Variants in THSD7A observed in about 807,000 individuals in gnomAD.
THSD7A encodes thrombospondin type 1 domain containing 7A.
In THSD7A, 96 loss-of-function variants were observed where a neutral mutation model predicts 231.3. The ratio of observed to expected loss-of-function variants is 0.41; its 90% CI spans 0.35 to 0.49. The LOEUF is 0.49. THSD7A is among the 20% of genes least tolerant of loss of function. The pLI, the probability that THSD7A is intolerant of heterozygous loss-of-function variation, is 0.05. For synonymous variants in THSD7A, 940 were observed against 743.3 expected (o/e 1.26, Z -4.30); for missense variants, 2,290 against 2,070.2 (o/e 1.11, Z -2.06).
At chr7:11,594,718 A>G (rs958213063) in intron 2 of THSD7A, among the ~76,000 whole-genome samples, 1 of 152,222 alleles carries the variant, frequency 6.6e-6, no homozygotes, top group Non-Finnish European at 1.5e-5. Context: ...ATAAGCAGAT[A>G]CTGAGCCTCA....
At chr7:11,700,665 AT>A (rs986392977) in intron 1 of THSD7A, among the ~76,000 whole-genome samples, 12 of 151,194 alleles carry the variant, frequency 7.9e-5, no homozygotes, top group African/African-American at 2.9e-4. Flanking sequence ...ATCTCTCACA[AT>A]CATGTCTAAA....
rs1409288898 is a variant in THSD7A, at chr7:11,555,748, G to A, written c.1454-12631C>T. Reference sequence around the variant, plus strand: ...TCAGTTTTTGTTCATATATTTTGCAGTCTGTTGTTTGGCACAAACACATAG... The same window carrying A: ...TCAGTTTTTGTTCATATATTTTGCAATCTGTTGTTTGGCACAAACACATAG... On this transcript the variant is annotated intron_variant, in intron 4 of 27. Transcript: ENST00000423059. Among the ~76,000 whole-genome samples the A allele has an allele frequency of 2.0e-5, 3 of 150,342 alleles. No individual in the cohort carries two copies. In the East Asian group the frequency reaches 5.9e-4, roughly 29 times the overall value.
rs1321034653 is a variant in THSD7A, at chr7:11,831,039, G to A, written c.190+718C>T. On this transcript the variant is annotated intron_variant, in intron 1 of 27. Coordinates refer to ENST00000423059, the MANE Select transcript of THSD7A (RefSeq NM_015204.3). This position sits in a 1 kb window ranked among gnomAD's most constrained non-coding sequence, Gnocchi z 5.0. ...TCCGTATTGTTTTCCTGCCTGTCAC[G>A]GCCCCCGCCAGAAACTCCAAGCATT... Among the ~76,000 whole-genome samples the A allele has an allele frequency of 1.3e-5, 2 of 152,110 alleles. No individual in the cohort carries two copies. The highest frequency in any genetic ancestry group is 2.1e-4 in the South Asian group (1 of 4,822).
chr7:11,702,689 T>C (rs1322617826), intron 1 of THSD7A, among the ~76,000 whole-genome samples: 1 of 151,256 alleles, frequency 6.6e-6, no homozygotes, highest in East Asian at 2.0e-4. Context: ...GGAGTCATTT[T>C]AGAATTCTAC....
At chr7:11,746,506 C>T (rs1475208735) in intron 1 of THSD7A, among the ~76,000 whole-genome samples, 1 of 151,798 alleles carries the variant, frequency 6.6e-6, no homozygotes, top group African/African-American at 2.4e-5. Context: ...TTTTTCATGA[C>T]CTCGACATGT....
At chr7:11,382,077 C>A (rs745493896) in intron 24 of THSD7A, among the ~76,000 whole-genome samples, 2 of 152,080 alleles carry the variant, frequency 1.3e-5, no homozygotes, top group Non-Finnish European at 2.9e-5. Flanking sequence ...TCATAGACTT[C>A]TGAATTTAAG....
intron 4 of THSD7A, among the ~76,000 whole-genome samples, chr7:11,582,452 A>G (rs1791207114): frequency 6.6e-6 from 1 of 152,110 alleles, no homozygotes; most frequent in Non-Finnish European, 1.5e-5. Context: ...CATCAACTAA[A>G]TGCACATTAT....
chr7:11,725,085 G>C (rs888278010), intron 1 of THSD7A, among the ~76,000 whole-genome samples: 2 of 151,862 alleles, frequency 1.3e-5, no homozygotes, highest in East Asian at 3.9e-4. Context: ...CTCAAACACA[G>C]CTAAATAAGA....
At chr7:11,597,772 C>T (rs1203883110) in intron 2 of THSD7A, among the ~76,000 whole-genome samples, 1 of 152,162 alleles carries the variant, frequency 6.6e-6, no homozygotes, top group Non-Finnish European at 1.5e-5. Flanking sequence ...GGATCATGCA[C>T]AGCAGCATTC....
intron 1 of THSD7A, among the ~76,000 whole-genome samples, chr7:11,645,755 A>G (rs576749551): frequency 1.3e-5 from 2 of 151,950 alleles, no homozygotes; most frequent in African/African-American, 4.8e-5. Flanking sequence ...TTTCACCTAT[A>G]TGATCTCATT....
intron 4 of THSD7A, among the ~76,000 whole-genome samples, chr7:11,566,714 C>T (rs895433544): frequency 6.6e-6 from 1 of 152,050 alleles, no homozygotes; most frequent in Non-Finnish European, 1.5e-5. Flanking sequence ...TTCAGAAAGT[C>T]TATGTCCCCG....
intron 2 of THSD7A, among the ~76,000 whole-genome samples, chr7:11,620,661 A>G (rs1268128254): frequency 6.6e-6 from 1 of 152,226 alleles, no homozygotes. Flanking sequence ...GGAATCAGAA[A>G]GACACTTTCA....
chr7:11,387,324 T>G (rs2115317683), intron 23 of THSD7A, among the ~76,000 whole-genome samples: 1 of 152,294 alleles, frequency 6.6e-6, no homozygotes, highest in South Asian at 2.1e-4. Context: ...TTTCACAATA[T>G]TGATTCTTCC....
At chr7:11,597,972 T>C (rs1780423979) in intron 2 of THSD7A, among the ~76,000 whole-genome samples, 1 of 152,118 alleles carries the variant, frequency 6.6e-6, no homozygotes, top group South Asian at 2.1e-4. Flanking sequence ...AAGAGAAGAC[T>C]AGGGTCTGGT....
chr7:11,831,844 G>C lies in THSD7A; in HGVS notation c.103C>G (p.Leu35Val), dbSNP rs781188521. The C allele has an allele frequency of 9.7e-6, 12 of 1,234,548 alleles. No individual in the cohort carries two copies. The Admixed American group carries it at 4.6e-4, about 48-fold the overall frequency. 76.5% of individuals were successfully genotyped at this position (1,234,548 alleles called of 1,614,324 possible). ...CCCGGGCGTAGCAGCAGCAGCAGGA[G>C]CAGCGGCAGCGGCAGCGGCAGCGGC... ...LLPLPLPLPL[L>V]LLLLLRPGAG... The change falls in exon 1 of 28, where the codon CTC becomes GTC. Residue 35 changes from leucine (L) to valine (V), a missense_variant. Coordinates refer to ENST00000423059, the MANE Select transcript of THSD7A (RefSeq NM_015204.3). This position sits in a 1 kb window ranked among gnomAD's most constrained non-coding sequence, Gnocchi z 5.0.
chr7:11,491,819 T>A (rs1786904818), intron 6 of THSD7A, among the ~76,000 whole-genome samples: 1 of 151,064 alleles, frequency 6.6e-6, no homozygotes, highest in South Asian at 2.1e-4. Flanking sequence ...TCCATCACAC[T>A]AAGGAAGCTT....
In THSD7A at chr7:11,370,874, G is replaced by A. The variant is rs1028458089; in HGVS notation, c.*4920C>T. On this transcript the variant is annotated 3_prime_UTR_variant, in exon 28 of 28. Transcript: ENST00000423059. ...AATGGAGAAAAAAAGTACCAGAAAA[G>A]GAATCTAAATGTTTACTTTCTAAAA... 1 of 151,998 alleles carries A rather than the reference G, an allele frequency of 6.6e-6. No homozygotes were observed. The highest frequency in any genetic ancestry group is 1.5e-5 in the Non-Finnish European group (1 of 67,968). The allele number at this position is 151,998 out of a possible 1,614,324, so 9.4% of individuals were successfully genotyped here. A position where few individuals can be genotyped will look rare whatever the true frequency, so the allele number is the denominator to read the frequency against.
At chr7:11,469,457 T>G (rs1785845605) in intron 9 of THSD7A, among the ~76,000 whole-genome samples, 1 of 152,106 alleles carries the variant, frequency 6.6e-6, no homozygotes, top group Non-Finnish European at 1.5e-5. Flanking sequence ...TTATTCCTAT[T>G]CTTGGGGCTG....
intron 1 of THSD7A, among the ~76,000 whole-genome samples, chr7:11,695,409 T>G (rs565661854): frequency 1.3e-5 from 2 of 151,426 alleles, no homozygotes; most frequent in Admixed American, 6.6e-5. Context: ...ATTATCAAGA[T>G]ATAATCTGGA....
Sources: allele counts gnomAD v4.1 joint callset (sites outside exome capture counted in the v4.1 genomes callset), GRCh38; gene constraint gnomAD v4.1.1; non-coding constraint Gnocchi (gnomAD v3.1); transcripts MANE v1.5; gene names NCBI Gene and HGNC (gene_info 2026-07-23, HGNC 2026-07-21).